NEK1: variants seen among roughly 807,000 people sequenced by gnomAD.
NEK1 encodes serine/threonine-protein kinase Nek1.
A neutral mutation model predicts 182.1 loss-of-function variants in NEK1; 137 were observed. That is an observed-to-expected ratio of 0.75 (90% CI 0.65 to 0.87). The LOEUF (loss-of-function observed/expected upper bound fraction) is 0.87, where lower values mean the gene tolerates loss of function less well. NEK1 is among the 40% of genes least tolerant of loss of function. The probability of loss-of-function intolerance (pLI) is 0.00; values close to 1 mark genes in which losing one functional copy is unlikely to be tolerated. For missense variants in NEK1, 1,391 were observed against 1,494.4 expected, an observed-to-expected ratio of 0.93 and a Z score of 1.14; for synonymous variants, 513 against 492.2, an observed-to-expected ratio of 1.04 and a Z score of -0.56.
intron 32 of NEK1, among the ~76,000 whole-genome samples, chr4:169,404,782 ATTT>A (rs5863995): frequency 6.6e-6 from 1 of 150,654 alleles, no homozygotes; most frequent in Non-Finnish European, 1.5e-5. Context: ...ATGGAAAAAA[ATTT>A]TTTTTTTAAT....
intron 35 of NEK1, among the ~76,000 whole-genome samples, chr4:169,399,557 A>G (rs1452348434): frequency 1.4e-5 from 2 of 144,524 alleles, no homozygotes; most frequent in Non-Finnish European, 3.0e-5. Context: ...AGCCTGGGCA[A>G]TAAGACTCTG....
intron 33 of NEK1, among the ~76,000 whole-genome samples, 163 bp from the exon 34 acceptor site, chr4:169,400,814 CA>C (rs575496233): frequency 8.0e-5 from 12 of 149,938 alleles, no homozygotes; most frequent in South Asian, 4.2e-4. Context: ...CTTTATTTGG[CA>C]AAAAAAATGT....
intron 12 of NEK1, among the ~76,000 whole-genome samples, chr4:169,568,898 T>C (rs1032075448): frequency 2.2e-4 from 33 of 148,518 alleles, no homozygotes; most frequent in African/African-American, 6.3e-4. Flanking sequence ...GATCACGCCA[T>C]TGCACTCCAG....
In NEK1 at chr4:169,479,441, C is replaced by G. The variant is rs1486858072; in HGVS notation, c.2101G>C (p.Val701Leu). The G allele has an allele frequency of 6.2e-7, 1 of 1,611,926 alleles. No homozygotes were observed. The highest frequency in any genetic ancestry group is 8.5e-7 in the Non-Finnish European group (1 of 1,179,026). Reference sequence around the variant, plus strand: ...TTCAAAGCTGAAGTTACAGAAATAACAGATCTCATCTGTTGCTTTGATGGA... The same window carrying G: ...TTCAAAGCTGAAGTTACAGAAATAAGAGATCTCATCTGTTGCTTTGATGGA... ...GSPSKQQMRS[V>L]ISVTSALKEV... The change falls in exon 24 of 36, where the codon GTT (valine) becomes CTT (leucine). Residue 701 changes from valine to leucine, a missense_variant. Val to Leu is a conservative substitution (Grantham distance 32). Around this residue, in one of 5 missense-constraint regions of NEK1, gnomAD observed 1,216 missense variants for 1,277.6 expected, o/e 0.95. Coordinates refer to ENST00000507142, the MANE Select transcript of NEK1 (RefSeq NM_001199397.3).
At position 169,394,374 on chromosome 4, in the gene NEK1, T is replaced by C; in HGVS notation, c.*136A>G. The C allele has an allele frequency of 1.8e-6, 1 of 569,706 alleles. No individual in the cohort carries two copies. Among genetic ancestry groups the C allele is most frequent in the East Asian group, 3.2e-5 (1 of 30,778 alleles). The allele number at this position is 569,706 out of a possible 1,614,324, so 35.3% of individuals were successfully genotyped here. ...AAAATGGCATGTTTCTCCATCTTTT[T>C]CATGCAATAAGAAAGTCCATCTTAA... On this transcript the variant is annotated 3_prime_UTR_variant, in exon 36 of 36. Transcript: ENST00000507142.
intron 27 of NEK1, among the ~76,000 whole-genome samples, chr4:169,445,358 A>C (rs953032279): frequency 6.6e-6 from 1 of 152,092 alleles, no homozygotes; most frequent in African/African-American, 2.4e-5. Context: ...CCAGGAGTTT[A>C]AGGTTATAGC....
In NEK1 at chr4:169,569,709, G is replaced by T. The variant is rs1346830629; in HGVS notation, c.1020+7219C>A. Reference sequence around the variant, plus strand: ...GGGTTTCGCTGTGTTGGCCGGGCTGGTCTCCAGCTCCTAACTGCGAGTGAT... The same window carrying T: ...GGGTTTCGCTGTGTTGGCCGGGCTGTTCTCCAGCTCCTAACTGCGAGTGAT... On this transcript the variant is annotated intron_variant, in intron 12 of 35. Coordinates refer to ENST00000507142, the MANE Select transcript of NEK1 (RefSeq NM_001199397.3). 5.7e-4 allele frequency among the ~76,000 whole-genome samples: 87 copies of T among 152,272 alleles called. 1 individual carries two copies. The South Asian group carries it at 0.017, about 30-fold the overall frequency.
intron 32 of NEK1, among the ~76,000 whole-genome samples, chr4:169,403,823 A>G (rs1347980422): frequency 6.6e-6 from 1 of 152,144 alleles, no homozygotes; most frequent in Non-Finnish European, 1.5e-5. Flanking sequence ...TTGGTCTTGA[A>G]TTCAGTTTTT....
At chr4:169,423,918 T>C (rs1198849904) in intron 31 of NEK1, among the ~76,000 whole-genome samples, 1 of 152,178 alleles carries the variant, frequency 6.6e-6, no homozygotes, top group African/African-American at 2.4e-5. Context: ...GCATTTGCAA[T>C]AATGTCGTAA....
intron 29 of NEK1, among the ~76,000 whole-genome samples, chr4:169,428,711 T>C (rs1433511731): frequency 2.0e-5 from 3 of 152,138 alleles, no homozygotes; most frequent in African/African-American, 4.8e-5. Flanking sequence ...TGGTGAATTT[T>C]ACGTTATGTG....
chr4:169,592,634 T>C (rs916119979), intron 5 of NEK1, among the ~76,000 whole-genome samples: 2 of 151,828 alleles, frequency 1.3e-5, no homozygotes, highest in African/African-American at 4.8e-5. Context: ...GAAGAGGGAA[T>C]GAAAGGTAAC....
intron 31 of NEK1, among the ~76,000 whole-genome samples, chr4:169,415,052 T>C (rs888364258): frequency 2.6e-5 from 4 of 152,238 alleles, no homozygotes; most frequent in Non-Finnish European, 4.4e-5. Context: ...GAGCACTGCA[T>C]GGCATGCCTT....
rs775637173 is a variant in NEK1 at position 169,585,430 on chromosome 4, A to T, written c.726T>A (p.Asn242Lys). 1 of 1,613,704 alleles carries T rather than the reference A, an allele frequency of 6.2e-7. No homozygotes were observed. The highest frequency in any genetic ancestry group is 1.1e-5 in the South Asian group (1 of 91,066). The change falls in exon 10 of 36, where the codon AAT becomes AAA. Residue 242 changes from asparagine (N) to lysine (K), a missense_variant. Coordinates refer to ENST00000507142, the MANE Select transcript of NEK1 (RefSeq NM_001199397.3). The stretch of plus-strand genomic sequence containing the variant: ...AGTTGACTGATGGTCTATCCCTAGG[A>T]TTTCTTTTAAATAACTGAGACACCA... Reference protein sequence around the residue: ...RSLVSQLFKRNPRDRPSVNSI... With the variant: ...RSLVSQLFKRKPRDRPSVNSI...
chr4:169,612,022 C>CA lies in NEK1; in HGVS notation c.-52dup, dbSNP rs1223373347. On this transcript the variant is annotated 5_prime_UTR_variant, in exon 2 of 36. Transcript: ENST00000507142. ...TCCTTCCCCCAAGTGGAACTCACCT[C>CA]AGTGACACAGGACGTTAGTAGGAAT... 1 of 152,244 alleles carries CA rather than the reference C, an allele frequency of 6.6e-6. No homozygotes were observed. The highest frequency in any genetic ancestry group is 6.5e-5 in the Admixed American group (1 of 15,286). The allele number at this position is 152,244 out of a possible 1,614,324, so 9.4% of individuals were successfully genotyped here.
In NEK1 at chr4:169,401,836, A is replaced by C. The variant is rs767632022; in HGVS notation, c.3399T>G (p.Asp1133Glu). ...EDIVFEETDT[D>E]LQELQASMEQ... ...CCATCGAGGCCTGCAGCTCTTGTAA[A>C]TCTGTGTCAGTTTCTTCAAACACAC... Residue 1133 changes from aspartate (D) to glutamate (E), a missense_variant, in exon 33 of 36, where the codon GAT becomes GAG. Physicochemically the swap from Asp to Glu is conservative, Grantham distance 45 (BLOSUM62 2). Transcript: ENST00000507142. The C allele has an allele frequency of 6.2e-7, 1 of 1,612,342 alleles. No homozygotes were observed. The highest frequency in any genetic ancestry group is 1.1e-5 in the South Asian group (1 of 90,598).
At chr4:169,432,791 AATTT>A (rs1018896685) in intron 29 of NEK1, among the ~76,000 whole-genome samples, 1 of 152,130 alleles carries the variant, frequency 6.6e-6, no homozygotes, top group Non-Finnish European at 1.5e-5. Context: ...TTAATTAATT[AATTT>A]GAGTTGGAGA....
intron 19 of NEK1, among the ~76,000 whole-genome samples, chr4:169,515,262 G>A (rs1269857999): frequency 6.6e-6 from 1 of 152,094 alleles, no homozygotes; most frequent in Non-Finnish European, 1.5e-5. Context: ...TTGCTATTGT[G>A]GAGTGGAATA....
chr4:169,589,928 T>C (rs1054891432), intron 6 of NEK1, among the ~76,000 whole-genome samples: 18 of 152,032 alleles, frequency 1.2e-4, no homozygotes, highest in African/African-American at 3.9e-4. Flanking sequence ...TTACAAATCA[T>C]ATATTTGAGA....
In NEK1 at chr4:169,599,184, G is replaced by A. The variant is rs747787508; in HGVS notation, c.228C>T (p.Leu76=). ...CCTCACAGTAATCCATTACTATGTAGAGAGAGCCATTTTCTACAAAATATA... is the reference window on the plus strand; with the variant it reads ...CCTCACAGTAATCCATTACTATGTAAAGAGAGCCATTTTCTACAAAATATA... ...YRESFEENGS[L]YIVMDYCEGG... Residue 76 remains leucine (L), a synonymous_variant, in exon 5 of 36, where the codon CTC becomes CTT. Transcript: ENST00000507142. 1.9e-6 allele frequency: 3 copies of A among 1,610,110 alleles called. No homozygotes were observed. The highest frequency in any genetic ancestry group is 1.3e-5 in the African/African-American group (1 of 74,838).
Sources: gnomAD v4.1 joint callset for allele counts (sites outside exome capture counted in the v4.1 genomes callset) on GRCh38, gnomAD v4.1.1 for gene constraint, gnomAD v4.1.1 regional missense constraint, MANE v1.5 for transcripts, NCBI Gene and HGNC (gene_info 2026-07-23, HGNC 2026-07-21) for gene names.